ARPP21: variants seen among roughly 807,000 people sequenced by gnomAD.
ARPP21 encodes cAMP regulated phosphoprotein 21.
In ARPP21, 69 loss-of-function variants were observed where a neutral mutation model predicts 113.2. The observed-to-expected ratio is 0.61, with a 90% confidence interval of 0.50 to 0.74. ARPP21 has a LOEUF of 0.74. ARPP21 is among the 30% of genes least tolerant of loss of function. The pLI is 0.00. For synonymous variants in ARPP21, 368 were observed against 375.5 expected, an observed-to-expected ratio of 0.98 and a Z score of 0.23; for missense variants, 1,070 against 1,037.4, an observed-to-expected ratio of 1.03 and a Z score of -0.43.
chr3:35,697,745 G>A (rs1183589046), intron 9 of ARPP21, among the ~76,000 whole-genome samples: 1 of 151,584 alleles, frequency 6.6e-6, no homozygotes, highest in East Asian at 1.9e-4. Flanking sequence ...AATCCTCGGT[G>A]TTTGGCCCTT....
intron 9 of ARPP21, among the ~76,000 whole-genome samples, chr3:35,698,063 A>G (rs1428715674): frequency 6.6e-6 from 1 of 151,650 alleles, no homozygotes; most frequent in East Asian, 1.9e-4. Context: ...TCATCTGACT[A>G]GTTGCCAAAG....
rs184888553 is a variant in ARPP21, at chr3:35,682,732, T to C, written c.130-116T>C. On this transcript the variant is annotated intron_variant, in intron 3 of 20. Transcript: ENST00000684406. ...TTGCTATTATTATTGACTTCTCTAC[T>C]GTAGCCGGTAGTGACATTTTTCTCT... 8.1e-6 allele frequency: 7 copies of C among 862,536 alleles called. 1 individual carries two copies. The highest frequency in any genetic ancestry group is 6.9e-5 in the African/African-American group (4 of 57,964). 53.4% of individuals were successfully genotyped at this position (862,536 alleles called of 1,614,324 possible).
intron 19 of ARPP21, among the ~76,000 whole-genome samples, chr3:35,767,770 T>C (rs549307915): frequency 1.5e-4 from 23 of 152,166 alleles, no homozygotes; most frequent in Non-Finnish European, 2.6e-4. Flanking sequence ...TAGCCATTAC[T>C]AAGAACTTCA....
At position 35,660,716 on chromosome 3, in the gene ARPP21, G is replaced by T. The variant is rs1707355933; in HGVS notation, c.-212-19071G>T. Among the ~76,000 whole-genome samples, 4 of 152,168 alleles carry T rather than the reference G, an allele frequency of 2.6e-5. No individual in the cohort carries two copies. The South Asian group carries it at 8.3e-4, about 32-fold the overall frequency. ...CTTGATGGGTATTTATCAGTAAGGAGAATGACTAACTTTTGACTGAGGATT... is the reference window on the plus strand; with the variant it reads ...CTTGATGGGTATTTATCAGTAAGGATAATGACTAACTTTTGACTGAGGATT... On this transcript the variant is annotated intron_variant, in intron 1 of 20. Coordinates refer to ENST00000684406, the MANE Select transcript of ARPP21 (RefSeq NM_001385562.1).
At chr3:35,770,851 C>A (rs2096175602) in intron 19 of ARPP21, among the ~76,000 whole-genome samples, 2 of 152,160 alleles carry the variant, frequency 1.3e-5, no homozygotes, top group African/African-American at 4.8e-5. Context: ...AGTAATATAT[C>A]ATTTTGATTA....
At chr3:35,709,203 AG>A (rs2090257895) in intron 11 of ARPP21, 133 bp downstream of exon 11, 1 of 654,134 alleles carries the variant, frequency 1.5e-6, no homozygotes, top group Non-Finnish European at 2.6e-6. Flanking sequence ...GAAGAAAACT[AG>A]AGGTGATTTT....
chr3:35,681,962 T>A, intron 3 of ARPP21, 82 bp downstream of exon 3: 3 of 1,423,316 alleles, frequency 2.1e-6, no homozygotes, highest in Non-Finnish European at 2.8e-6. Flanking sequence ...TTTAGAGATT[T>A]ATTTTTTAAA....
chr3:35,774,727 T>C (rs958314826), intron 19 of ARPP21: 2 of 152,178 alleles, frequency 1.3e-5, no homozygotes, highest in Admixed American at 1.3e-4. Context: ...TACAATTAAG[T>C]AGAAAAGTGG....
chr3:35,740,244 T>C (rs974686766), intron 18 of ARPP21, among the ~76,000 whole-genome samples: 3 of 152,220 alleles, frequency 2.0e-5, no homozygotes, highest in Non-Finnish European at 4.4e-5. Flanking sequence ...ACATCTCTGG[T>C]ACTCTCTTGG....
At chr3:35,678,683 C>T (rs138188520) in intron 1 of ARPP21, 1 of 151,900 alleles carries the variant, frequency 6.6e-6, no homozygotes, top group Non-Finnish European at 1.5e-5. Flanking sequence ...CAACAAATGG[C>T]TTTGTAACCC....
intron 9 of ARPP21, among the ~76,000 whole-genome samples, chr3:35,691,918 G>A (rs570290338): frequency 2.4e-4 from 37 of 151,502 alleles, no homozygotes; most frequent in Non-Finnish European, 4.4e-4. Flanking sequence ...GTCAAGCAGA[G>A]TATCATGGTT....
At chr3:35,700,001 T>A (rs1480381269) in intron 9 of ARPP21, among the ~76,000 whole-genome samples, 2 of 151,732 alleles carry the variant, frequency 1.3e-5, no homozygotes, top group Admixed American at 1.3e-4. Flanking sequence ...AAATTTTGGA[T>A]CAATAATAAT....
At chr3:35,771,383 C>T (rs1052129160) in intron 19 of ARPP21, among the ~76,000 whole-genome samples, 2 of 151,814 alleles carry the variant, frequency 1.3e-5, no homozygotes, top group African/African-American at 2.4e-5. Context: ...GGCTGGAGTG[C>T]AGTGGCATGA....
intron 19 of ARPP21, among the ~76,000 whole-genome samples, chr3:35,785,438 C>T (rs775383366): frequency 6.6e-6 from 1 of 152,090 alleles, no homozygotes; most frequent in Non-Finnish European, 1.5e-5. Context: ...CCCTTGGAGG[C>T]ATTCATTGAA....
intron 19 of ARPP21, among the ~76,000 whole-genome samples, chr3:35,791,360 T>C (rs1167632141): frequency 5.3e-5 from 8 of 152,202 alleles, no homozygotes; most frequent in Non-Finnish European, 1.0e-4. Flanking sequence ...GAGAATTGTA[T>C]TAAGATAGCA....
chr3:35,792,196 T>C, intron 19 of ARPP21, 186 bp from the exon 20 acceptor site: 1 of 614,872 alleles, frequency 1.6e-6, no homozygotes, highest in Non-Finnish European at 2.9e-6. Flanking sequence ...AAAGCCATAA[T>C]CTTGTTCACT....
chr3:35,768,989 G>A (rs2096091044), intron 19 of ARPP21, among the ~76,000 whole-genome samples: 1 of 152,128 alleles, frequency 6.6e-6, no homozygotes, highest in Non-Finnish European at 1.5e-5. Flanking sequence ...TAAGTGAAAG[G>A]TAATGGGAAA....
At chr3:35,712,644 T>A (rs1236263844) in intron 11 of ARPP21, among the ~76,000 whole-genome samples, 1 of 151,672 alleles carries the variant, frequency 6.6e-6, no homozygotes, top group African/African-American at 2.4e-5. Context: ...GCTTTGGGGA[T>A]TTTCCAGAAA....
At chr3:35,643,631 A>T (rs1430606900) in intron 1 of ARPP21, 1 of 152,084 alleles carries the variant, frequency 6.6e-6, no homozygotes, top group Non-Finnish European at 1.5e-5. Context: ...ACAATATACA[A>T]GGTAGCCAGA....
Sources: allele counts gnomAD v4.1 joint callset (sites outside exome capture counted in the v4.1 genomes callset), GRCh38; gene constraint gnomAD v4.1.1; transcripts MANE v1.5; gene names NCBI Gene and HGNC (gene_info 2026-07-23, HGNC 2026-07-21).